ATG4B: variants seen among roughly 807,000 people sequenced by gnomAD.
ATG4B encodes the protein autophagy related 4B cysteine peptidase, also known as cysteine protease ATG4B.
A neutral mutation model predicts 56.6 loss-of-function variants in ATG4B; 29 were observed. The ratio of observed to expected loss-of-function variants is 0.51; its 90% CI spans 0.38 to 0.70. The LOEUF (loss-of-function observed/expected upper bound fraction) is 0.70, where lower values mean the gene tolerates loss of function less well. ATG4B is among the 30% of genes least tolerant of loss of function. The pLI, the probability that ATG4B is intolerant of heterozygous loss-of-function variation, is 0.00. For synonymous variants in ATG4B, 224 were observed against 206.1 expected (o/e 1.09, Z -0.74); for missense variants, 461 against 515.5 (o/e 0.89, Z 1.02).
At chr2:241,663,205 C>T (rs2068645144) in intron 7 of ATG4B, among the ~76,000 whole-genome samples, 2 of 152,196 alleles carry the variant, frequency 1.3e-5, no homozygotes, top group African/African-American at 4.8e-5. Context: ...TGCACTCCAG[C>T]CTGTGTGACA....
intron 1 of ATG4B, among the ~76,000 whole-genome samples, chr2:241,647,226 T>C (rs1055807746): frequency 1.3e-5 from 2 of 152,228 alleles, no homozygotes; most frequent in African/African-American, 4.8e-5. Flanking sequence ...ATAAAAGATA[T>C]GTGTATCTTT....
intron 1 of ATG4B, among the ~76,000 whole-genome samples, chr2:241,646,802 A>G (rs1192358164): frequency 5.1e-5 from 5 of 97,222 alleles, no homozygotes; most frequent in Non-Finnish European, 9.9e-5. Context: ...TTTTTTTTTG[A>G]GACAGAGTTT....
chr2:241,661,903 T>G (rs1170049840), intron 7 of ATG4B, among the ~76,000 whole-genome samples: 1 of 152,168 alleles, frequency 6.6e-6, no homozygotes, highest in Non-Finnish European at 1.5e-5. Flanking sequence ...AAATACAGAT[T>G]GGAAAACGTG....
chr2:241,644,147 G>A (rs2067994172), intron 1 of ATG4B, among the ~76,000 whole-genome samples: 1 of 152,002 alleles, frequency 6.6e-6, no homozygotes, highest in South Asian at 2.1e-4. Context: ...AGGAGTTTGA[G>A]ACCAGCCTGC....
rs555038194 is a variant in ATG4B at position 241,670,144 on chromosome 2, C to G, written c.958-582C>G. ...TTGAGCTTCTCCCCCCATTTCGTTT[C>G]TTTTTGTGTTAACATCTGCGCATCT... On this transcript the variant is annotated intron_variant, in intron 10 of 12. Transcript: ENST00000404914. Among the ~76,000 whole-genome samples the G allele has an allele frequency of 6.6e-5, 10 of 152,330 alleles. No homozygotes were observed. The East Asian group carries it at 1.2e-3, about 18-fold the overall frequency.
rs537927019 is a variant in ATG4B, at chr2:241,672,169, C to G, written c.1109-22C>G. 3.8e-6 allele frequency: 6 copies of G among 1,563,180 alleles called. No homozygotes were observed. The Admixed American group carries it at 5.8e-5, about 15-fold the overall frequency. ...GGTGGCCCACCCAAGATGCCTGATG[C>G]GCTATGTCCTGTTCCTTCTAGATTC... On this transcript the variant is annotated intron_variant, in intron 12 of 12. Coordinates refer to ENST00000404914, the MANE Select transcript of ATG4B (RefSeq NM_013325.5).
chr2:241,643,627 T>C (rs1471731693), intron 1 of ATG4B, among the ~76,000 whole-genome samples: 7 of 148,742 alleles, frequency 4.7e-5, no homozygotes, highest in African/African-American at 1.5e-4. Context: ...TATATACACA[T>C]AAATATATAC....
rs1297744867 is a variant in ATG4B at position 241,668,301 on chromosome 2, T to G, written c.811+80T>G. 5 of 1,494,160 alleles carry G rather than the reference T, an allele frequency of 3.3e-6. No homozygotes were observed. Among genetic ancestry groups the G allele is most frequent in the Non-Finnish European group, 2.7e-6 (3 of 1,095,998 alleles). The allele number at this position is 1,494,160 out of a possible 1,614,324, so 92.6% of individuals were successfully genotyped here. A position where few individuals can be genotyped will look rare whatever the true frequency, so the allele number is the denominator to read the frequency against. On this transcript the variant is annotated intron_variant, in intron 9 of 12. Coordinates refer to ENST00000404914, the MANE Select transcript of ATG4B (RefSeq NM_013325.5). This position sits in a 1 kb window ranked among gnomAD's most constrained non-coding sequence, Gnocchi z 4.2. ...CCATGAGCAGGTACCACACCCCAGG[T>G]GACCACTTGAGGCCACTGGTGGAAA...
Position 241,654,557 on chromosome 2 carries a change from A to T in ATG4B, c.295A>T (p.Thr99Ser). The T allele has an allele frequency of 6.3e-7, 1 of 1,595,326 alleles. No individual in the cohort carries two copies. The highest frequency in any genetic ancestry group is 1.8e-5 in the Admixed American group (1 of 56,966). ...CRHLGRDWRW[T>S]QRKRQPDSYF... ...TTTTTTTCCAATAGATTGGAGGTGGACACAAAGGAAGAGGCAGCCAGACAG... is the reference window on the plus strand; with the variant it reads ...TTTTTTTCCAATAGATTGGAGGTGGTCACAAAGGAAGAGGCAGCCAGACAG... Residue 99 changes from threonine (T) to serine (S), a missense_variant, in exon 5 of 13, where the codon ACA (threonine) becomes TCA (serine). Coordinates refer to ENST00000404914, the MANE Select transcript of ATG4B (RefSeq NM_013325.5).
chr2:241,641,160 C>G (rs893685151), intron 1 of ATG4B, among the ~76,000 whole-genome samples: 1 of 152,074 alleles, frequency 6.6e-6, no homozygotes, highest in Non-Finnish European at 1.5e-5. Context: ...GAGGTTGAGA[C>G]AATAGAATTT....
In ATG4B at chr2:241,673,616, G is replaced by A. The variant is rs1397348888; in HGVS notation, c.*1352G>A. The A allele has an allele frequency of 2.2e-6, 1 of 456,080 alleles. No homozygotes were observed. The highest frequency in any genetic ancestry group is 4.4e-6 in the Non-Finnish European group (1 of 227,086). The allele number at this position is 456,080 out of a possible 1,614,324, so 28.3% of individuals were successfully genotyped here. On this transcript the variant is annotated 3_prime_UTR_variant, in exon 13 of 13. Coordinates refer to ENST00000404914, the MANE Select transcript of ATG4B (RefSeq NM_013325.5). The stretch of plus-strand genomic sequence containing the variant: ...ATTTCCTCGTATCCTTTCTCCCTTG[G>A]GTGTAGTTGGGGTGGGGAAGCAGGG...
chr2:241,641,347 G>T (rs535651397), intron 1 of ATG4B, among the ~76,000 whole-genome samples: 8 of 152,138 alleles, frequency 5.3e-5, no homozygotes, highest in African/African-American at 1.9e-4. Flanking sequence ...TCAGGAGATC[G>T]AGACCATCCT....
In ATG4B at chr2:241,673,547, A is replaced by T. The variant is rs565320861; in HGVS notation, c.*1283A>T. On this transcript the variant is annotated 3_prime_UTR_variant, in exon 13 of 13. Coordinates refer to ENST00000404914, the MANE Select transcript of ATG4B (RefSeq NM_013325.5). ...GTCGGCACTGACCGGCCCACCTGGT[A>T]GCAGAGGACACCCCCAGCCCCCCAA... 2.0e-5 allele frequency: 9 copies of T among 453,654 alleles called. No individual in the cohort carries two copies. Among genetic ancestry groups the T allele is most frequent in the Non-Finnish European group, 4.0e-5 (9 of 226,120 alleles). The allele number at this position is 453,654 out of a possible 1,614,324, so 28.1% of individuals were successfully genotyped here. A position where few individuals can be genotyped will look rare whatever the true frequency, so the allele number is the denominator to read the frequency against.
In ATG4B at chr2:241,651,848, G is replaced by A. The variant is rs1375169816; in HGVS notation, c.184+513G>A. On this transcript the variant is annotated intron_variant, in intron 3 of 12. Transcript: ENST00000404914. This position sits in a 1 kb window ranked among gnomAD's most constrained non-coding sequence, Gnocchi z 4.1. ...TTGAAGGGCCAGGTGAATGTGACATGTTTTTATGTAACACTAAGGTGCATT... is the reference window on the plus strand; with the variant it reads ...TTGAAGGGCCAGGTGAATGTGACATATTTTTATGTAACACTAAGGTGCATT... 1 of 1,265,880 alleles carries A rather than the reference G, an allele frequency of 7.9e-7. No individual in the cohort carries two copies. The highest frequency in any genetic ancestry group is 1.2e-5 in the South Asian group (1 of 80,170). 78.4% of individuals were successfully genotyped at this position (1,265,880 alleles called of 1,614,324 possible). A position where few individuals can be genotyped will look rare whatever the true frequency, so the allele number is the denominator to read the frequency against.
chr2:241,667,317 A>G (rs2125144962), intron 8 of ATG4B, among the ~76,000 whole-genome samples: 1 of 152,236 alleles, frequency 6.6e-6, no homozygotes, highest in Admixed American at 6.5e-5. Flanking sequence ...TCATGAAAGC[A>G]AAAGGGGGCG....
chr2:241,668,989 AGT>A lies in ATG4B; in HGVS notation c.957+309_957+310del, dbSNP rs370454650. ...GCATGGATGAGTGTGAGCCATGGTG[AGT>A]GTGTCCCCCTCACACCTACATTTAA... On this transcript the variant is annotated intron_variant, in intron 10 of 12. Transcript: ENST00000404914. This position sits in a 1 kb window ranked among gnomAD's most constrained non-coding sequence, Gnocchi z 4.2. 25 of 392,116 alleles carry A rather than the reference AGT, an allele frequency of 6.4e-5. No individual in the cohort carries two copies. The highest frequency in any genetic ancestry group is 5.1e-4 in the African/African-American group (24 of 46,866). 24.3% of individuals were successfully genotyped at this position (392,116 alleles called of 1,614,324 possible).
chr2:241,651,023 C>T lies in ATG4B; in HGVS notation c.24C>T (p.Tyr8=), dbSNP rs369713531. Residue 8 remains tyrosine, a synonymous_variant, in exon 2 of 13, where the codon TAC becomes TAT. Coordinates refer to ENST00000404914, the MANE Select transcript of ATG4B (RefSeq NM_013325.5). The surrounding 1 kb of genome is among the most constrained non-coding windows in gnomAD (Gnocchi z 4.1). Reference sequence around the variant, plus strand: ...TGGTTTCAACAGCTACTCTGACCTACGACACTCTCCGGTTTGCTGAGTTTG... The same window carrying T: ...TGGTTTCAACAGCTACTCTGACCTATGACACTCTCCGGTTTGCTGAGTTTG... MDAATLT[Y]DTLRFAEFED... 2.0e-5 allele frequency: 32 copies of T among 1,613,602 alleles called. No homozygotes were observed. Among genetic ancestry groups the T allele is most frequent in the Middle Eastern group, 1.6e-4 (1 of 6,084 alleles).
Position 241,648,616 on chromosome 2 carries a change from A to AG in ATG4B, c.11-2394_11-2393insG, listed in dbSNP as rs201581446. On this transcript the variant is annotated intron_variant, in intron 1 of 12. Coordinates refer to ENST00000404914, the MANE Select transcript of ATG4B (RefSeq NM_013325.5). Reference sequence around the variant, plus strand: ...TCTCAAAAAAAAAAAAGAAAAAAAAACAGGAGCAGAGCTCTTGGACAAAGC... The same window carrying AG: ...TCTCAAAAAAAAAAAAGAAAAAAAAAGCAGGAGCAGAGCTCTTGGACAAAGC... 1.1e-3 allele frequency among the ~76,000 whole-genome samples: 173 copies of AG among 151,716 alleles called. 1 individual carries two copies. In the East Asian group the frequency reaches 0.027, roughly 24 times the overall value.
chr2:241,670,415 C>T (rs1339374054), intron 10 of ATG4B: 1 of 431,566 alleles, frequency 2.3e-6, no homozygotes, highest in African/African-American at 2.0e-5. Context: ...TTGGCCCTAA[C>T]TCATAACCTG....
Sources: gnomAD v4.1 joint callset for allele counts (sites outside exome capture counted in the v4.1 genomes callset) on GRCh38, gnomAD v4.1.1 for gene constraint, Gnocchi (gnomAD v3.1) non-coding constraint, MANE v1.5 for transcripts, NCBI Gene and HGNC (gene_info 2026-07-23, HGNC 2026-07-21) for gene names.